The following POTEE variants were observed in gnomAD, a reference collection of about 807,000 sequenced individuals.
The protein encoded by POTEE is ANKRD26-like family C member 1A.
Under a neutral mutation model 74.2 loss-of-function variants are expected in POTEE, and 21 were observed. The ratio of observed to expected loss-of-function variants is 0.28; its 90% CI spans 0.20 to 0.41. The LOEUF is 0.41. POTEE is among the 10% of genes least tolerant of loss of function. The pLI, the probability that POTEE is intolerant of heterozygous loss-of-function variation, is 1.00. For missense variants in POTEE, 525 were observed against 1,158.6 expected, an observed-to-expected ratio of 0.45 and a Z score of 7.94; for synonymous variants, 211 against 432.8, an observed-to-expected ratio of 0.49 and a Z score of 6.36.
chr2:131,238,385 A>G, intron 11 of POTEE, 147 bp downstream of exon 11: 2 of 1,181,750 alleles, frequency 1.7e-6, no homozygotes, highest in Non-Finnish European at 2.2e-6. Flanking sequence ...CTCAGAAAGA[A>G]TTCTGTACAT....
intron 4 of POTEE, among the ~76,000 whole-genome samples, chr2:131,219,882 AG>A (rs1247035896): frequency 2.0e-5 from 3 of 152,178 alleles, no homozygotes; most frequent in Non-Finnish European, 4.4e-5. Context: ...GAATGGAAAA[AG>A]TCTGCTTTTC....
At chr2:131,227,819 T>C (rs1700827992) in intron 7 of POTEE, among the ~76,000 whole-genome samples, 1 of 149,238 alleles carries the variant, frequency 6.7e-6, no homozygotes, top group African/African-American at 2.6e-5. Context: ...GAAACTCCTA[T>C]GACTACTATT....
chr2:131,224,293 A>G (rs1700718070), intron 6 of POTEE, among the ~76,000 whole-genome samples: 3 of 150,154 alleles, frequency 2.0e-5, no homozygotes, highest in Admixed American at 1.3e-4. Flanking sequence ...TTTGTAAAAG[A>G]TAATACTTAC....
At chr2:131,246,098 C>A (rs1285013392) in intron 13 of POTEE, among the ~76,000 whole-genome samples, 4 of 124,556 alleles carry the variant, frequency 3.2e-5, no homozygotes, top group Admixed American at 2.7e-4. Flanking sequence ...CACAAAAGAA[C>A]AGTGAAGCAC....
At chr2:131,260,556 A>G (rs1380659579) in intron 16 of POTEE, among the ~76,000 whole-genome samples, 9 of 149,124 alleles carry the variant, frequency 6.0e-5, no homozygotes, top group South Asian at 2.1e-4. Flanking sequence ...ATTCCTAGGT[A>G]CTTCACACCT....
chr2:131,214,708 A>G (rs1314252442), intron 2 of POTEE, among the ~76,000 whole-genome samples: 2 of 152,294 alleles, frequency 1.3e-5, no homozygotes, highest in African/African-American at 4.8e-5. Flanking sequence ...AAATAAAAAT[A>G]TCTTCAAAAT....
intron 6 of POTEE, among the ~76,000 whole-genome samples, chr2:131,224,354 A>G (rs1700719789): frequency 6.8e-6 from 1 of 146,508 alleles, no homozygotes; most frequent in Non-Finnish European, 1.5e-5. Flanking sequence ...TGAATGTAAA[A>G]TGGCAAAATT....
chr2:131,220,418 C>G (rs62177517), intron 4 of POTEE, among the ~76,000 whole-genome samples: 3,887 of 152,052 alleles, frequency 0.026, 74 homozygotes, highest in Middle Eastern at 0.041. Context: ...CTTGGCCAGG[C>G]AGGTCTTGAA....
At chr2:131,215,734 TTAAATAACAACTA>T (rs1335385352) in intron 2 of POTEE, among the ~76,000 whole-genome samples, 1 of 138,014 alleles carries the variant, frequency 7.2e-6, no homozygotes, top group African/African-American at 2.8e-5. Context: ...AGGTTTTTTT[TTAAATAACAACTA>T]GACCAAGAGA....
intron 2 of POTEE, among the ~76,000 whole-genome samples, chr2:131,214,240 G>A (rs1276339028): frequency 2.6e-5 from 4 of 152,258 alleles, no homozygotes; most frequent in African/African-American, 4.8e-5. Flanking sequence ...TTTGCCTTGC[G>A]TTGTCTGACC....
intron 16 of POTEE, among the ~76,000 whole-genome samples, chr2:131,258,959 C>A (rs544776355): frequency 2.7e-4 from 8 of 29,604 alleles, no homozygotes; most frequent in African/African-American, 8.1e-4. Context: ...GCTCTTTGCG[C>A]TTCACTTCTC....
chr2:131,257,277 C>T (rs1201472715), intron 16 of POTEE, among the ~76,000 whole-genome samples: 3 of 22,658 alleles, frequency 1.3e-4, no homozygotes. Flanking sequence ...AGAGGCCTAG[C>T]CTATCAGACG....
At chr2:131,217,176 GT>G (rs1490210631) in intron 2 of POTEE, among the ~76,000 whole-genome samples, 26 of 137,370 alleles carry the variant, frequency 1.9e-4, no homozygotes, top group African/African-American at 6.9e-4. Flanking sequence ...GGAAAAGGTG[GT>G]GTTTGATTAT....
At chr2:131,212,779 G>C (rs1052922918) in intron 2 of POTEE, among the ~76,000 whole-genome samples, 10 of 149,468 alleles carry the variant, frequency 6.7e-5, no homozygotes, top group African/African-American at 2.5e-4. Context: ...GGTCAGGCTG[G>C]TCTTGAACTC....
intron 8 of POTEE, among the ~76,000 whole-genome samples, chr2:131,228,637 CCAAGTGTAA>C (rs1270718097): frequency 6.8e-6 from 1 of 147,270 alleles, no homozygotes; most frequent in Non-Finnish European, 1.5e-5. Flanking sequence ...TTCATTTGAT[CCAAGTGTAA>C]CACCTATGCA....
chr2:131,263,481 T>C lies in POTEE; in HGVS notation c.2026T>C (p.Tyr676His), dbSNP rs1332272332. Residue 676 changes from tyrosine to histidine, a missense_variant, in exon 18 of 18, where the codon TAT becomes CAT. Coordinates refer to ENST00000683005, the MANE Select transcript of POTEE (RefSeq NM_001083538.3). The part of the protein sequence containing the change: ...KHQSQLREKK[Y>H]LEDIESVKKK... Reference sequence around the variant, plus strand: ...TCAGAGCCAGCTAAGAGAAAAGAAATATTTGGAGGATATTGAAAGTGTGAA... The same window carrying C: ...TCAGAGCCAGCTAAGAGAAAAGAAACATTTGGAGGATATTGAAAGTGTGAA... 6 of 1,611,628 alleles carry C rather than the reference T, an allele frequency of 3.7e-6. No individual in the cohort carries two copies. In the East Asian group the frequency reaches 1.3e-4, roughly 36 times the overall value.
chr2:131,238,213 A>G lies in POTEE; in HGVS notation c.1217A>G (p.Glu406Gly), dbSNP rs575811838. 6.2e-6 allele frequency: 10 copies of G among 1,603,392 alleles called. No homozygotes were observed. In the South Asian group the frequency reaches 1.1e-4, roughly 18 times the overall value. The change falls in exon 11 of 18, where the codon GAA becomes GGA. Residue 406 changes from glutamate to glycine, a missense_variant. Physicochemically the swap from Glu to Gly is moderately conservative, Grantham distance 98 (BLOSUM62 -2). Transcript: ENST00000683005. ...SQPEKMSQELEINKDGDREVE... is the reference protein window; with the variant it reads ...SQPEKMSQELGINKDGDREVE... ...CTGCAGAAAATGTCTCAAGAACTAGAAATAAATAAGGATGGTGATAGAGAG... is the reference window on the plus strand; with the variant it reads ...CTGCAGAAAATGTCTCAAGAACTAGGAATAAATAAGGATGGTGATAGAGAG...
Position 131,218,357 on chromosome 2 carries a change from C to CG in POTEE, c.-45dup, listed in dbSNP as rs1559167683. On this transcript the variant is annotated 5_prime_UTR_variant, in exon 4 of 18. Coordinates refer to ENST00000683005, the MANE Select transcript of POTEE (RefSeq NM_001083538.3). ...CTAGTTGGTGAAACTGGTTGGTAGA[C>CG]GCGATCTGTTGGCTACTACTGGCTT... 1.2e-6 allele frequency: 2 copies of CG among 1,608,504 alleles called. No individual in the cohort carries two copies. Among genetic ancestry groups the CG allele is most frequent in the Non-Finnish European group, 1.7e-6 (2 of 1,177,506 alleles).
intron 9 of POTEE, among the ~76,000 whole-genome samples, chr2:131,235,818 G>GA (rs1048115966): frequency 1.5e-5 from 2 of 137,772 alleles, no homozygotes; most frequent in Non-Finnish European, 1.6e-5. Context: ...AAAAAAGAAA[G>GA]AAAAAAGAAA....
Sources: gnomAD v4.1 joint callset for allele counts (sites outside exome capture counted in the v4.1 genomes callset) on GRCh38, gnomAD v4.1.1 for gene constraint, MANE v1.5 for transcripts, NCBI Gene and HGNC (gene_info 2026-07-23, HGNC 2026-07-21) for gene names.